The following THOC7 variants were observed in gnomAD, a reference collection of about 807,000 sequenced individuals.
THOC7 encodes NIF3L1-binding protein 1.
THOC7 carries 22 observed loss-of-function variants against 33.1 expected under a neutral mutation model. That is an observed-to-expected ratio of 0.66 (90% CI 0.47 to 0.95). The LOEUF (loss-of-function observed/expected upper bound fraction) is 0.95. THOC7 is among the 40% of genes least tolerant of loss of function. THOC7 has a pLI of 0.00. For missense variants in THOC7, 184 were observed against 245.3 expected (o/e 0.75, Z 1.67); for synonymous variants, 77 against 76.8 (o/e 1.00, Z -0.01).
chr3:63,858,493 C>A (rs1394396752), intron 1 of THOC7, among the ~76,000 whole-genome samples: 3 of 152,066 alleles, frequency 2.0e-5, no homozygotes, highest in Non-Finnish European at 4.4e-5. Context: ...AACCAGCAAG[C>A]TTTATTAAAT....
intron 1 of THOC7, among the ~76,000 whole-genome samples, chr3:63,843,817 C>T (rs1327357984): frequency 1.3e-5 from 2 of 151,860 alleles, no homozygotes; most frequent in Admixed American, 1.3e-4. Context: ...AGGAGAATGG[C>T]GTGAACCCGG....
chr3:63,853,059 G>A (rs1375419630), intron 1 of THOC7, among the ~76,000 whole-genome samples: 3 of 151,562 alleles, frequency 2.0e-5, no homozygotes, highest in African/African-American at 4.8e-5. Context: ...GCTGAGACAG[G>A]AGAATTGCTT....
intron 1 of THOC7, among the ~76,000 whole-genome samples, chr3:63,858,825 T>A (rs1449901924): frequency 6.6e-6 from 1 of 152,226 alleles, no homozygotes; most frequent in African/African-American, 2.4e-5. Context: ...AGACCTCTAC[T>A]TTTTCACTTA....
intron 1 of THOC7, among the ~76,000 whole-genome samples, chr3:63,846,460 T>G (rs1365019454): frequency 1.3e-5 from 2 of 152,104 alleles, no homozygotes; most frequent in Admixed American, 1.3e-4. Flanking sequence ...CAGGCTGGAG[T>G]GCAAGGGCGC....
intron 1 of THOC7, among the ~76,000 whole-genome samples, chr3:63,850,625 C>T (rs1239788332): frequency 2.4e-5 from 3 of 122,920 alleles, no homozygotes; most frequent in Admixed American, 9.2e-5. Context: ...CTCGCTCTGT[C>T]GCCCAGCCTG....
intron 1 of THOC7, among the ~76,000 whole-genome samples, chr3:63,853,608 T>A (rs1438730815): frequency 1.3e-5 from 2 of 152,188 alleles, no homozygotes; most frequent in Non-Finnish European, 2.9e-5. Flanking sequence ...TCCTTATGTT[T>A]ATGTTAAATT....
At chr3:63,856,021 G>A (rs546586080) in intron 1 of THOC7, among the ~76,000 whole-genome samples, 17 of 152,206 alleles carry the variant, frequency 1.1e-4, no homozygotes, top group African/African-American at 3.9e-4. Context: ...ACAAGTACGC[G>A]AATATATCTA....
chr3:63,847,048 C>G (rs950259879), intron 1 of THOC7, among the ~76,000 whole-genome samples: 1 of 152,006 alleles, frequency 6.6e-6, no homozygotes, highest in Non-Finnish European at 1.5e-5. Flanking sequence ...TAGAACGCCT[C>G]CTAGTTTGTT....
chr3:63,852,139 A>T (rs1489784823), intron 1 of THOC7, among the ~76,000 whole-genome samples: 1 of 152,214 alleles, frequency 6.6e-6, no homozygotes, highest in Non-Finnish European at 1.5e-5. Context: ...TAGCATCTAC[A>T]TGACGCTAAT....
chr3:63,835,374 C>T lies in THOC7; in HGVS notation c.427G>A (p.Gly143Arg), dbSNP rs1328032785. Reference protein sequence around the residue: ...HETLKELEALGKELEHLSHIK... With the variant: ...HETLKELEALRKELEHLSHIK... Reference sequence around the variant, plus strand: ...TGTGAAAGATGCTCTAATTCTTTTCCCAGAGCCTCTAGTTCCCTGGAAATA... The same window carrying T: ...TGTGAAAGATGCTCTAATTCTTTTCTCAGAGCCTCTAGTTCCCTGGAAATA... Residue 143 changes from glycine to arginine, a missense_variant, in exon 6 of 8, where the codon GGA becomes AGA. This residue lies in a region of THOC7 where 157 missense variants were observed against 201.3 expected (regional missense o/e 0.78). Transcript: ENST00000295899. 1 of 1,613,152 alleles carries T rather than the reference C, an allele frequency of 6.2e-7. No individual in the cohort carries two copies. Among genetic ancestry groups the T allele is most frequent in the Non-Finnish European group, 8.5e-7 (1 of 1,179,692 alleles).
At position 63,834,349 on chromosome 3, in the gene THOC7, T is replaced by C. The variant is rs561126358; in HGVS notation, c.548-150A>G. On this transcript the variant is annotated intron_variant, in intron 7 of 7. Coordinates refer to ENST00000295899, the MANE Select transcript of THOC7 (RefSeq NM_025075.4). ...GAATCAAACTTTAAAATTTATGTGA[T>C]AGACTTCACTTAAAAAAAAAAAAAT... 259 of 747,466 alleles carry C rather than the reference T, an allele frequency of 3.5e-4. 2 individuals carry two copies. The South Asian group carries it at 4.5e-3, about 13-fold the overall frequency. 46.3% of individuals were successfully genotyped at this position (747,466 alleles called of 1,614,324 possible).
rs901973653 is a variant in THOC7, at chr3:63,834,036, A to C, written c.*96T>G. ...CTTAAAAACAGAGTATTTTACTGCC[A>C]AAACTTTAAATATCTCAAGAGCATA... On this transcript the variant is annotated 3_prime_UTR_variant, in exon 8 of 8. Coordinates refer to ENST00000295899, the MANE Select transcript of THOC7 (RefSeq NM_025075.4). 12 of 1,278,724 alleles carry C rather than the reference A, an allele frequency of 9.4e-6. No homozygotes were observed. In the Admixed American group the frequency reaches 1.3e-4, roughly 14 times the overall value. 79.2% of individuals were successfully genotyped at this position (1,278,724 alleles called of 1,614,324 possible).
chr3:63,855,288 CAAAA>C (rs1702094789), intron 1 of THOC7, among the ~76,000 whole-genome samples: 1 of 152,160 alleles, frequency 6.6e-6, no homozygotes, highest in Non-Finnish European at 1.5e-5. Flanking sequence ...AAATATCTTT[CAAAA>C]TCAGTTTAAA....
intron 2 of THOC7, 41 bp from the exon 3 acceptor site, chr3:63,838,540 G>A: frequency 6.4e-7 from 1 of 1,564,572 alleles, no homozygotes; most frequent in Non-Finnish European, 8.6e-7. Context: ...GATATTTGTG[G>A]ACTGACAAAA....
At chr3:63,834,724 T>C (rs1020916051) in intron 7 of THOC7, among the ~76,000 whole-genome samples, 3 of 151,284 alleles carry the variant, frequency 2.0e-5, no homozygotes, top group Non-Finnish European at 4.4e-5. Flanking sequence ...GAAGATCAGG[T>C]AACACAAAAA....
chr3:63,846,186 T>TCAGTCTG (rs1185519549), intron 1 of THOC7: 2 of 451,708 alleles, frequency 4.4e-6, no homozygotes, highest in African/African-American at 4.0e-5. Flanking sequence ...TACTAAATAT[T>TCAGTCTG]CAGTCTGCTT....
intron 5 of THOC7, among the ~76,000 whole-genome samples, chr3:63,835,793 C>T (rs1701620156): frequency 6.6e-6 from 1 of 151,996 alleles, no homozygotes. Context: ...TCTCCTCTAC[C>T]TCCCACTCAG....
chr3:63,856,723 AT>A (rs559642524), intron 1 of THOC7, among the ~76,000 whole-genome samples: 613 of 144,972 alleles, frequency 4.2e-3, no homozygotes, highest in African/African-American at 6.4e-3. Context: ...AGCATTATAG[AT>A]TTTTTTTTTT....
At chr3:63,846,110 TG>T in intron 1 of THOC7, 1 of 382,290 alleles carries the variant, frequency 2.6e-6, no homozygotes, top group South Asian at 1.9e-5. Context: ...TTACCAAGGA[TG>T]GTAAAACTGA....
Sources: allele counts gnomAD v4.1 joint callset (sites outside exome capture counted in the v4.1 genomes callset), GRCh38; gene constraint gnomAD v4.1.1; regional missense constraint gnomAD v4.1.1; transcripts MANE v1.5; gene names NCBI Gene and HGNC (gene_info 2026-07-23, HGNC 2026-07-21).